Variants in FMN1 observed in about 807,000 individuals in gnomAD.
FMN1 encodes formin-1.
Under a neutral mutation model 132.4 loss-of-function variants are expected in FMN1, and 110 were observed. The observed-to-expected ratio is 0.83, with a 90% CI of 0.71 to 0.97. The LOEUF (loss-of-function observed/expected upper bound fraction) is 0.97, where lower values mean the gene tolerates loss of function less well. Among genes scored for constraint, FMN1 ranks in the 50% least tolerant of loss-of-function variants. The pLI is 0.00. For missense variants in FMN1, 1,792 were observed against 1,705.3 expected, an observed-to-expected ratio of 1.05 and a Z score of -0.90; for synonymous variants, 722 against 651.7, an observed-to-expected ratio of 1.11 and a Z score of -1.64.
At chr15:33,081,184 C>A (rs2038441430) in intron 5 of FMN1, among the ~76,000 whole-genome samples, 1 of 152,178 alleles carries the variant, frequency 6.6e-6, no homozygotes, top group Non-Finnish European at 1.5e-5. Context: ...ACCGTTTTCT[C>A]CACGGCTAGC....
chr15:33,080,974 C>T (rs920053207), intron 5 of FMN1, among the ~76,000 whole-genome samples: 3 of 152,084 alleles, frequency 2.0e-5, no homozygotes, highest in Admixed American at 6.5e-5. Flanking sequence ...TGCTTCAAGG[C>T]TGCAGTTGAG....
chr15:33,037,565 C>T (rs903129768), intron 6 of FMN1, among the ~76,000 whole-genome samples: 1 of 152,104 alleles, frequency 6.6e-6, no homozygotes, highest in African/African-American at 2.4e-5. Context: ...GAAAACCAGG[C>T]AGCAAGCCAC....
At chr15:32,999,699 G>T (rs2033982600) in intron 7 of FMN1, among the ~76,000 whole-genome samples, 1 of 152,136 alleles carries the variant, frequency 6.6e-6, no homozygotes, top group Non-Finnish European at 1.5e-5. Context: ...ACTATTGGCT[G>T]GTTCTTTGTC....
intron 16 of FMN1, among the ~76,000 whole-genome samples, chr15:32,867,658 AT>A (rs1216026534): frequency 6.6e-6 from 1 of 151,970 alleles, no homozygotes; most frequent in Non-Finnish European, 1.5e-5. Context: ...GCAAAGGCTA[AT>A]TTTTTGTATT....
intron 9 of FMN1, among the ~76,000 whole-genome samples, chr15:32,932,451 G>A (rs1292350144): frequency 6.6e-6 from 1 of 152,154 alleles, no homozygotes; most frequent in Non-Finnish European, 1.5e-5. Flanking sequence ...AAGAGCTAAT[G>A]ACCTGTAGTT....
intron 17 of FMN1, among the ~76,000 whole-genome samples, chr15:32,850,618 C>T (rs1320748222): frequency 1.3e-5 from 2 of 152,152 alleles, no homozygotes; most frequent in Admixed American, 1.3e-4. Flanking sequence ...CTTATTAACA[C>T]CTATCATGGG....
chr15:32,938,652 C>T (rs2061333821), intron 9 of FMN1, among the ~76,000 whole-genome samples: 1 of 152,082 alleles, frequency 6.6e-6, no homozygotes, highest in Non-Finnish European at 1.5e-5. Context: ...AATAATATGC[C>T]CATTTGAAAA....
intron 15 of FMN1, among the ~76,000 whole-genome samples, chr15:32,890,057 A>G (rs1213975848): frequency 6.6e-6 from 1 of 152,254 alleles, no homozygotes; most frequent in Non-Finnish European, 1.5e-5. Flanking sequence ...TCCACTTAGA[A>G]TAATATTCTC....
intron 7 of FMN1, among the ~76,000 whole-genome samples, chr15:32,986,973 T>C (rs548962862): frequency 2.0e-5 from 3 of 152,270 alleles, no homozygotes; most frequent in South Asian, 2.1e-4. Context: ...TTATGAAATA[T>C]TTTCAAAATA....
intron 9 of FMN1, among the ~76,000 whole-genome samples, chr15:32,956,360 CTTT>C (rs68023229): frequency 0.086 from 12,654 of 147,486 alleles, 880 homozygotes; most frequent in African/African-American, 0.18. Flanking sequence ...CCTAACCACT[CTTT>C]TTTTTTTTTA....
In FMN1 at chr15:33,024,958, C is replaced by A. The variant is rs914985229; in HGVS notation, c.2162-16883G>T. On this transcript the variant is annotated intron_variant, in intron 6 of 20. Coordinates refer to ENST00000616417, the MANE Select transcript of FMN1 (RefSeq NM_001277313.2). ...ACAAACATTATTTTGAGAGAAAAAG[C>A]TGCCAAAAAATACATAGTGGAAGCC... Among the ~76,000 whole-genome samples, 3 of 151,992 alleles carry A rather than the reference C, an allele frequency of 2.0e-5. No individual in the cohort carries two copies. In the East Asian group the frequency reaches 5.8e-4, roughly 29 times the overall value.
chr15:32,905,958 T>C (rs1259118483), intron 12 of FMN1, among the ~76,000 whole-genome samples: 3 of 152,152 alleles, frequency 2.0e-5, no homozygotes, highest in African/African-American at 7.2e-5. Flanking sequence ...CAGCACAGCA[T>C]GACAGTCCTT....
rs2057151565 is a variant in FMN1 at position 32,793,147 on chromosome 15, A to G, written c.4130+5657T>C. ...AGAGGTGTGTATAGTTTTTTAAACC[A>G]ATGATCCTATAATTCTTACAGTTTT... On this transcript the variant is annotated intron_variant, in intron 19 of 20. Transcript: ENST00000616417. 2.6e-5 allele frequency among the ~76,000 whole-genome samples: 4 copies of G among 152,196 alleles called. No homozygotes were observed. The South Asian group carries it at 6.2e-4, about 24-fold the overall frequency.
At chr15:32,965,463 A>G (rs1403874511) in intron 8 of FMN1, among the ~76,000 whole-genome samples, 1 of 152,224 alleles carries the variant, frequency 6.6e-6, no homozygotes, top group East Asian at 1.9e-4. Flanking sequence ...CTTATTGTTT[A>G]TCAAACATAG....
At chr15:32,947,884 T>C (rs1220896481) in intron 9 of FMN1, among the ~76,000 whole-genome samples, 2 of 152,100 alleles carry the variant, frequency 1.3e-5, no homozygotes, top group African/African-American at 4.8e-5. Flanking sequence ...ACAGATTTTC[T>C]ATGCTGAAAA....
chr15:32,900,148 T>C (rs1208321787), intron 13 of FMN1, 23 bp from the exon 14 acceptor site: 2 of 1,612,858 alleles, frequency 1.2e-6, no homozygotes, highest in African/African-American at 2.7e-5. Flanking sequence ...ACACCAGTTA[T>C]TACGGAGCTG....
At chr15:33,108,558 A>T (rs2039574647) in intron 4 of FMN1, among the ~76,000 whole-genome samples, 1 of 152,118 alleles carries the variant, frequency 6.6e-6, no homozygotes, top group African/African-American at 2.4e-5. Flanking sequence ...ACTGAACTTA[A>T]AGAGAAAAAA....
intron 6 of FMN1, among the ~76,000 whole-genome samples, chr15:33,008,671 C>G (rs1566819507): frequency 6.6e-6 from 1 of 152,148 alleles, no homozygotes; most frequent in African/African-American, 2.4e-5. Context: ...TAATATGAGT[C>G]TAATAATGTT....
intron 4 of FMN1, among the ~76,000 whole-genome samples, chr15:33,120,537 A>G (rs1962450974): frequency 6.6e-6 from 1 of 152,190 alleles, no homozygotes; most frequent in South Asian, 2.1e-4. Flanking sequence ...AGAAAACCTC[A>G]TGTCGCCAAC....
Sources: allele counts gnomAD v4.1 joint callset (sites outside exome capture counted in the v4.1 genomes callset), GRCh38; gene constraint gnomAD v4.1.1; transcripts MANE v1.5; gene names NCBI Gene and HGNC (gene_info 2026-07-23, HGNC 2026-07-21).